The following SGK1 variants were observed in gnomAD, a reference collection of about 807,000 sequenced individuals.
The protein encoded by SGK1 is serum/glucocorticoid regulated kinase 1, also known as serine/threonine-protein kinase Sgk1.
In SGK1, 26 loss-of-function variants were observed where a neutral mutation model predicts 64.2. The ratio of observed to expected loss-of-function variants is 0.40; its 90% CI spans 0.30 to 0.56. The LOEUF (loss-of-function observed/expected upper bound fraction) is 0.56. SGK1 is among the 20% of genes least tolerant of loss of function. The pLI, the probability that SGK1 is intolerant of heterozygous loss-of-function variation, is 0.38. For missense variants in SGK1, 519 were observed against 645.6 expected, an observed-to-expected ratio of 0.80 and a Z score of 2.12; for synonymous variants, 265 against 239.7, an observed-to-expected ratio of 1.11 and a Z score of -0.98.
intron 3 of SGK1, among the ~76,000 whole-genome samples, chr6:134,198,718 C>CTTTTTTT (rs1167394718): frequency 6.6e-5 from 7 of 105,398 alleles, no homozygotes; most frequent in Admixed American, 1.8e-4. Context: ...TTCTTTTTCT[C>CTTTTTTT]TTTTTCTATT....
Position 134,169,578 on chromosome 6 carries a change from C to G in SGK1, c.*690G>C, listed in dbSNP as rs1479037855. 6.6e-6 allele frequency: 1 copy of G among 152,570 alleles called. No homozygotes were observed. The highest frequency in any genetic ancestry group is 2.4e-5 in the African/African-American group (1 of 41,430). The allele number at this position is 152,570 out of a possible 1,614,324, so 9.5% of individuals were successfully genotyped here. A position where few individuals can be genotyped will look rare whatever the true frequency, so the allele number is the denominator to read the frequency against. ...AACTGGGGCATTGGTCCATAAAAAC[C>G]CTTTCTAAAAATAGAAATATTTGTA... On this transcript the variant is annotated 3_prime_UTR_variant, in exon 14 of 14. Coordinates refer to ENST00000367858, the MANE Select transcript of SGK1 (RefSeq NM_001143676.3).
In SGK1 at chr6:134,171,771, G is replaced by A. The variant is rs183933904; in HGVS notation, c.1072-39C>T. The A allele has an allele frequency of 2.1e-4, 289 of 1,367,676 alleles. No homozygotes were observed. In the African/African-American group the frequency reaches 3.1e-3, roughly 15 times the overall value. 84.7% of individuals were successfully genotyped at this position (1,367,676 alleles called of 1,614,324 possible). ...CAGGGAAACAGCGTTTAGAACCTGC[G>A]AAAGCAAGCAATCCCACGACCACAC... On this transcript the variant is annotated intron_variant, in intron 10 of 13. Coordinates refer to ENST00000367858, the MANE Select transcript of SGK1 (RefSeq NM_001143676.3).
chr6:134,183,851 C>T lies in SGK1; in HGVS notation c.362-9265G>A, dbSNP rs539861529. Among the ~76,000 whole-genome samples, 224 of 136,646 alleles carry T rather than the reference C, an allele frequency of 1.6e-3. 1 individual carries two copies. Among genetic ancestry groups the T allele is most frequent in the African/African-American group, 5.8e-3 (215 of 37,272 alleles). 89.6% of individuals were successfully genotyped at this position (136,646 alleles called of 152,430 possible). A position where few individuals can be genotyped will look rare whatever the true frequency, so the allele number is the denominator to read the frequency against. On this transcript the variant is annotated intron_variant, in intron 3 of 13. Coordinates refer to ENST00000367858, the MANE Select transcript of SGK1 (RefSeq NM_001143676.3). ...TCCTTTAGAAGAACCTGTCCCCACCCCACCCCCACCCCCCACCCCCGGCAT... is the reference window on the plus strand; with the variant it reads ...TCCTTTAGAAGAACCTGTCCCCACCTCACCCCCACCCCCCACCCCCGGCAT...
intron 3 of SGK1, among the ~76,000 whole-genome samples, chr6:134,206,367 ATATATATATATATATATTTTTTT>A (rs1775777783): frequency 3.6e-4 from 3 of 8,258 alleles, no homozygotes; most frequent in African/African-American, 7.5e-4. Flanking sequence ...ATATATATAT[ATATATATATATATATATTTTTTT>A]TTTTTTTTTT....
intron 2 of SGK1, among the ~76,000 whole-genome samples, chr6:134,241,652 G>A (rs866406912): frequency 2.6e-5 from 4 of 151,962 alleles, no homozygotes; most frequent in African/African-American, 9.7e-5. Context: ...ATGGAGTCTC[G>A]CTCTGTCACC....
chr6:134,237,052 CTTTTTCTTTTT>C (rs1776374066), intron 2 of SGK1, among the ~76,000 whole-genome samples: 1 of 92,372 alleles, frequency 1.1e-5, no homozygotes, highest in African/African-American at 3.6e-5. Context: ...TTTTCTTTTT[CTTTTTCTTTTT>C]TTTTTTTTTG....
In SGK1 at chr6:134,207,419, A is replaced by C; in HGVS notation, c.298T>G (p.Cys100Gly). ...TTGGTCAGGATGTTGGCATGATTAC[A>C]TGGCTCTCTCACCTTTAAAACATAA... ...TQSGCEVREP[C>G]NHANILTKPD... is the part of the protein sequence containing the mutation. The change falls in exon 3 of 14, where the codon TGT becomes GGT. Residue 100 changes from cysteine to glycine, a missense_variant. Physicochemically the swap from Cys to Gly is radical, Grantham distance 159. Transcript: ENST00000367858. 1 of 1,609,854 alleles carries C rather than the reference A, an allele frequency of 6.2e-7. No homozygotes were observed. Among genetic ancestry groups the C allele is most frequent in the South Asian group, 1.1e-5 (1 of 90,884 alleles).
At chr6:134,304,992 T>G (rs1256570252) in intron 1 of SGK1, among the ~76,000 whole-genome samples, 2 of 152,160 alleles carry the variant, frequency 1.3e-5, no homozygotes, top group Non-Finnish European at 2.9e-5. Flanking sequence ...ACTAAATTAT[T>G]AAGAGCACTT....
chr6:134,311,788 T>C (rs1312407535), intron 1 of SGK1, among the ~76,000 whole-genome samples: 1 of 152,174 alleles, frequency 6.6e-6, no homozygotes, highest in African/African-American at 2.4e-5. Flanking sequence ...ACAGCTTAGA[T>C]TTTAGCCATT....
chr6:134,277,049 A>C (rs1777028464), intron 1 of SGK1, among the ~76,000 whole-genome samples: 1 of 151,394 alleles, frequency 6.6e-6, no homozygotes, highest in Admixed American at 6.6e-5. Context: ...GTCTCAAAAA[A>C]AACCACAAAA....
Position 134,173,078 on chromosome 6 carries a change from G to C in SGK1, c.779C>G (p.Ser260Cys). 6.2e-7 allele frequency: 1 copy of C among 1,614,126 alleles called. No individual in the cohort carries two copies. Among genetic ancestry groups the C allele is most frequent in the Non-Finnish European group, 8.5e-7 (1 of 1,179,978 alleles). Residue 260 changes from serine to cysteine, a missense_variant, in exon 8 of 14, where the codon TCT becomes TGT. This residue lies in a region of SGK1 where 278 missense variants were observed against 408.7 expected (regional missense o/e 0.68). Coordinates refer to ENST00000367858, the MANE Select transcript of SGK1 (RefSeq NM_001143676.3). Reference protein sequence around the residue: ...KHPFLVGLHFSFQTADKLYFV... With the variant: ...KHPFLVGLHFCFQTADKLYFV... ...GTACAATTTGTCAGCAGTCTGGAAA[G>C]AGAAGTGAAGGCCCACCAGGAAAGG...
chr6:134,172,089 G>T, intron 10 of SGK1, 104 bp downstream of exon 10: 1 of 1,258,518 alleles, frequency 7.9e-7, no homozygotes, highest in Non-Finnish European at 1.1e-6. Context: ...GTATTAAGAA[G>T]TCTCTGAGAG....
At chr6:134,293,538 T>C (rs888426579) in intron 1 of SGK1, among the ~76,000 whole-genome samples, 5 of 152,202 alleles carry the variant, frequency 3.3e-5, no homozygotes, top group African/African-American at 1.2e-4. Flanking sequence ...GATTTGATAA[T>C]ATTTACTTTA....
intron 1 of SGK1, among the ~76,000 whole-genome samples, chr6:134,281,912 C>A (rs1489097431): frequency 6.6e-6 from 1 of 152,148 alleles, no homozygotes; most frequent in East Asian, 1.9e-4. Context: ...TGTTTGTTTG[C>A]ATTTGAGCCA....
intron 3 of SGK1, among the ~76,000 whole-genome samples, chr6:134,197,824 C>T (rs1775617417): frequency 7.1e-6 from 1 of 139,970 alleles, no homozygotes; most frequent in South Asian, 2.3e-4. Flanking sequence ...AAGACTCCAT[C>T]TCAAAGAATA....
At chr6:134,212,230 T>G (rs1384316136) in intron 2 of SGK1, among the ~76,000 whole-genome samples, 2 of 151,952 alleles carry the variant, frequency 1.3e-5, no homozygotes, top group African/African-American at 4.8e-5. Context: ...ATTTTTTGTA[T>G]TTTTAATAGA....
chr6:134,187,337 T>C (rs543968158), intron 3 of SGK1, among the ~76,000 whole-genome samples: 4 of 152,190 alleles, frequency 2.6e-5, no homozygotes, highest in Non-Finnish European at 5.9e-5. Flanking sequence ...CCTCCAGGCC[T>C]GCAGATCATA....
At chr6:134,204,633 A>AACCT (rs1291948192) in intron 3 of SGK1, among the ~76,000 whole-genome samples, 2 of 150,452 alleles carry the variant, frequency 1.3e-5, no homozygotes, top group Non-Finnish European at 2.9e-5. Context: ...GGCTTACTGC[A>AACCT]ACCTCTGCTT....
intron 2 of SGK1, among the ~76,000 whole-genome samples, chr6:134,207,795 ACACT>A (rs1467940481): frequency 1.3e-5 from 2 of 152,256 alleles, no homozygotes; most frequent in African/African-American, 2.4e-5. Context: ...ATCAGTGTAG[ACACT>A]CAATACATAA....
Sources: allele counts gnomAD v4.1 joint callset (sites outside exome capture counted in the v4.1 genomes callset), GRCh38; gene constraint gnomAD v4.1.1; regional missense constraint gnomAD v4.1.1; transcripts MANE v1.5; gene names NCBI Gene and HGNC (gene_info 2026-07-23, HGNC 2026-07-21).